Variants in PARP8 observed in about 807,000 individuals in gnomAD.
The protein encoded by PARP8 is protein mono-ADP-ribosyltransferase PARP8.
Under a neutral mutation model 124.1 loss-of-function variants are expected in PARP8, and 51 were observed. That is an observed-to-expected ratio of 0.41 (90% CI 0.33 to 0.52). The LOEUF (loss-of-function observed/expected upper bound fraction) is 0.52, where lower values mean the gene tolerates loss of function less well. Ranked by LOEUF, PARP8 falls within the 20% of genes least tolerant of loss-of-function variation. The pLI, the probability that PARP8 is intolerant of heterozygous loss-of-function variation, is 0.21. For synonymous variants in PARP8, 391 were observed against 361.5 expected, an observed-to-expected ratio of 1.08 and a Z score of -0.93; for missense variants, 860 against 1,018.9, an observed-to-expected ratio of 0.84 and a Z score of 2.12.
At chr5:50,722,688 G>A (rs779036925) in intron 2 of PARP8, among the ~76,000 whole-genome samples, 13 of 152,090 alleles carry the variant, frequency 8.5e-5, no homozygotes, top group Non-Finnish European at 1.6e-4. Context: ...GGGATTTGGT[G>A]AAAATAGAGT....
chr5:50,794,781 G>A, intron 11 of PARP8, 72 bp from the exon 12 acceptor site: 2 of 1,344,322 alleles, frequency 1.5e-6, no homozygotes, highest in South Asian at 2.7e-5. Flanking sequence ...TCGAGTTTGA[G>A]CATGACAAGC....
intron 2 of PARP8, among the ~76,000 whole-genome samples, chr5:50,679,264 A>G (rs1044442981): frequency 7.2e-5 from 11 of 152,162 alleles, no homozygotes; most frequent in African/African-American, 2.4e-4. Context: ...TTTAGAGTCT[A>G]GCGATTCTCC....
rs182461051 is a variant in PARP8, at chr5:50,737,104, A to C, written c.147-13047A>C. Among the ~76,000 whole-genome samples the C allele has an allele frequency of 6.0e-4, 91 of 152,226 alleles. 1 individual carries two copies. Among genetic ancestry groups the C allele is most frequent in the African/African-American group, 2.1e-3 (89 of 41,554 alleles). ...AATTTCTTTCTGGTTGAGGCTCCCA[A>C]AATTTACTAAGATTCCCATTTTGCC... is the stretch of plus-strand genomic sequence containing the variant. On this transcript the variant is annotated intron_variant, in intron 2 of 25. Coordinates refer to ENST00000281631, the MANE Select transcript of PARP8 (RefSeq NM_024615.4).
rs372162458 is a variant in PARP8, at chr5:50,771,092, G to GCT, written c.519-6966_519-6965dup. ...GCAATTTCCTTAAAAATGGAAATGT[G>GCT]CTCTCTCTCTCTATATATATATATA... On this transcript the variant is annotated intron_variant, in intron 7 of 25. Coordinates refer to ENST00000281631, the MANE Select transcript of PARP8 (RefSeq NM_024615.4). Among the ~76,000 whole-genome samples, 584 of 149,784 alleles carry GCT rather than the reference G, an allele frequency of 3.9e-3. 2 individuals carry two copies. The highest frequency in any genetic ancestry group is 0.011 in the African/African-American group (449 of 40,742).
intron 2 of PARP8, among the ~76,000 whole-genome samples, chr5:50,726,015 G>A (rs1756390337): frequency 6.6e-6 from 1 of 152,106 alleles, no homozygotes; most frequent in Non-Finnish European, 1.5e-5. Context: ...CTATGGTATT[G>A]TGATGCCTCA....
intron 3 of PARP8, chr5:50,757,314 A>C (rs1003897037): frequency 3.0e-5 from 9 of 302,070 alleles, no homozygotes; most frequent in Non-Finnish European, 4.8e-5. Flanking sequence ...ATTAGTAATC[A>C]AAAATCTTCC....
At chr5:50,754,155 A>G (rs1759623486) in intron 3 of PARP8, among the ~76,000 whole-genome samples, 6 of 25,382 alleles carry the variant, frequency 2.4e-4, no homozygotes, top group Non-Finnish European at 5.2e-4. Context: ...ATATATACAC[A>G]CACACACACA....
chr5:50,667,450 G>T (rs1428445444), intron 1 of PARP8: 2 of 700,342 alleles, frequency 2.9e-6, no homozygotes, highest in African/African-American at 1.7e-5. Flanking sequence ...CTAGGCGAAG[G>T]GGCAGTGCGT....
chr5:50,779,282 TA>T (rs941545116), intron 9 of PARP8, among the ~76,000 whole-genome samples: 12 of 151,504 alleles, frequency 7.9e-5, no homozygotes, highest in Non-Finnish European at 1.0e-4. Flanking sequence ...GTGTTACATT[TA>T]AAAAAAAATC....
At chr5:50,690,693 C>T (rs1752400178) in intron 2 of PARP8, among the ~76,000 whole-genome samples, 2 of 152,166 alleles carry the variant, frequency 1.3e-5, no homozygotes, top group South Asian at 4.1e-4. Context: ...CAATCCTATG[C>T]CCAGACTGAT....
intron 7 of PARP8, among the ~76,000 whole-genome samples, chr5:50,777,551 T>A (rs1017635659): frequency 1.3e-5 from 2 of 152,084 alleles, no homozygotes; most frequent in Non-Finnish European, 2.9e-5. Context: ...TTTTTTTTTT[T>A]AATATCAGAC....
At chr5:50,838,228 C>A (rs549360210) in intron 25 of PARP8, among the ~76,000 whole-genome samples, 3 of 152,150 alleles carry the variant, frequency 2.0e-5, no homozygotes, top group African/African-American at 7.2e-5. Flanking sequence ...AGACTCGAAA[C>A]CTGAGCTGTA....
rs781578243 is a variant in PARP8 at position 50,794,204 on chromosome 5, C to T, written c.738-3C>T. On this transcript the variant is annotated splice_polypyrimidine_tract_variant and splice_region_variant and intron_variant, in intron 10 of 25. Transcript: ENST00000281631. ...GATAACAGAATTACCTTTGGATTGACAGAATCATGCAGACATTTGTTACAC... is the reference window on the plus strand; with the variant it reads ...GATAACAGAATTACCTTTGGATTGATAGAATCATGCAGACATTTGTTACAC... 1 of 1,607,876 alleles carries T rather than the reference C, an allele frequency of 6.2e-7. No homozygotes were observed. The highest frequency in any genetic ancestry group is 1.1e-5 in the South Asian group (1 of 90,124).
At chr5:50,747,240 T>G (rs1430166444) in intron 2 of PARP8, among the ~76,000 whole-genome samples, 1 of 145,974 alleles carries the variant, frequency 6.9e-6, no homozygotes, top group Non-Finnish European at 1.5e-5. Flanking sequence ...ACTGGTGGAG[T>G]TGGGAACTCT....
chr5:50,786,555 A>T (rs1338597362), intron 9 of PARP8, among the ~76,000 whole-genome samples: 5 of 150,002 alleles, frequency 3.3e-5, no homozygotes, highest in South Asian at 4.2e-4. Flanking sequence ...TTAAATAGAG[A>T]TGGAGTCTCT....
rs746913341 is a variant in PARP8, at chr5:50,827,928, T to TTATC, written c.1978-14_1978-11dup. The TTATC allele has an allele frequency of 3.5e-4, 551 of 1,552,862 alleles. No homozygotes were observed. The highest frequency in any genetic ancestry group is 4.4e-4 in the Non-Finnish European group (493 of 1,125,850). On this transcript the variant is annotated splice_polypyrimidine_tract_variant and intron_variant, in intron 19 of 25. Coordinates refer to ENST00000281631, the MANE Select transcript of PARP8 (RefSeq NM_024615.4). ...AAGTTTTACATGTTTTTGTTTGTCT[T>TTATC]TATCTTAAATGGCAGCAATTGAAGT...
intron 14 of PARP8, among the ~76,000 whole-genome samples, chr5:50,813,837 A>G (rs532578389): frequency 6.6e-6 from 1 of 152,274 alleles, no homozygotes; most frequent in South Asian, 2.1e-4. Flanking sequence ...GCACACAGAC[A>G]CGCACACACA....
chr5:50,842,899 G>T lies in PARP8; in HGVS notation c.*831G>T, dbSNP rs1748313667. On this transcript the variant is annotated 3_prime_UTR_variant, in exon 26 of 26. Coordinates refer to ENST00000281631, the MANE Select transcript of PARP8 (RefSeq NM_024615.4). Reference sequence around the variant, plus strand: ...TGTTATCTAAAAGTCATAATTTGGGGAACATACATGGCCTGGTAGACCGAA... The same window carrying T: ...TGTTATCTAAAAGTCATAATTTGGGTAACATACATGGCCTGGTAGACCGAA... 6.6e-6 allele frequency: 1 copy of T among 151,558 alleles called. No individual in the cohort carries two copies. Among genetic ancestry groups the T allele is most frequent in the Admixed American group, 6.6e-5 (1 of 15,164 alleles). The allele number at this position is 151,558 out of a possible 1,614,324, so 9.4% of individuals were successfully genotyped here.
At chr5:50,680,190 T>G (rs1298868451) in intron 2 of PARP8, among the ~76,000 whole-genome samples, 2 of 152,198 alleles carry the variant, frequency 1.3e-5, no homozygotes, top group African/African-American at 4.8e-5. Context: ...CACTCTGCCT[T>G]CTTCAATACT....
Sources: gnomAD v4.1 joint callset for allele counts (sites outside exome capture counted in the v4.1 genomes callset) on GRCh38, gnomAD v4.1.1 for gene constraint, MANE v1.5 for transcripts, NCBI Gene and HGNC (gene_info 2026-07-23, HGNC 2026-07-21) for gene names.